Variants in CDH13 observed in about 807,000 individuals in gnomAD.
The protein encoded by CDH13 is cadherin-13.
Under a neutral mutation model 63.8 loss-of-function variants are expected in CDH13, and 24 were observed. That is an observed-to-expected ratio of 0.38 (90% CI 0.27 to 0.53). The LOEUF is 0.53. CDH13 is among the 20% of genes least tolerant of loss of function. The pLI is 0.85. For synonymous variants in CDH13, 503 were observed against 355.3 expected, an observed-to-expected ratio of 1.42 and a Z score of -4.67; for missense variants, 1,049 against 903.1, an observed-to-expected ratio of 1.16 and a Z score of -2.07.
chr16:83,304,832 C>G (rs2089835439), intron 5 of CDH13, among the ~76,000 whole-genome samples: 1 of 152,124 alleles, frequency 6.6e-6, no homozygotes, highest in Admixed American at 6.5e-5. Context: ...CAGTAGCAAA[C>G]TCTCTCCCTC....
At chr16:83,441,226 A>G (rs977660164) in intron 6 of CDH13, among the ~76,000 whole-genome samples, 3 of 152,182 alleles carry the variant, frequency 2.0e-5, no homozygotes, top group Admixed American at 1.3e-4. Flanking sequence ...TTGGCACTCA[A>G]TCTCTACCTG....
intron 4 of CDH13, among the ~76,000 whole-genome samples, chr16:83,167,754 T>G (rs1271986041): frequency 1.3e-5 from 2 of 151,846 alleles, no homozygotes; most frequent in African/African-American, 4.8e-5. Flanking sequence ...CATTTTCAAA[T>G]AGTTCAACTG....
intron 1 of CDH13, among the ~76,000 whole-genome samples, chr16:82,842,636 A>G (rs970989595): frequency 1.2e-4 from 19 of 152,072 alleles, no homozygotes; most frequent in African/African-American, 4.3e-4. Flanking sequence ...CAATTTTCCC[A>G]TGTACCAGGG....
At chr16:83,726,679 C>T (rs1910428333) in intron 10 of CDH13, among the ~76,000 whole-genome samples, 1 of 151,842 alleles carries the variant, frequency 6.6e-6, no homozygotes, top group Non-Finnish European at 1.5e-5. Flanking sequence ...ACTAAAAATA[C>T]AAAAAAAAAT....
chr16:83,518,641 T>G (rs1202613603), intron 7 of CDH13, among the ~76,000 whole-genome samples: 1 of 149,896 alleles, frequency 6.7e-6, no homozygotes, highest in African/African-American at 2.5e-5. Context: ...CCCGGCTAAT[T>G]TTTGTATTTT....
chr16:83,052,352 G>A (rs950242115), intron 3 of CDH13, among the ~76,000 whole-genome samples: 1 of 152,290 alleles, frequency 6.6e-6, no homozygotes, highest in African/African-American at 2.4e-5. Context: ...AACAATTCAG[G>A]TTCATATATT....
chr16:83,130,829 A>T (rs1291986603), intron 4 of CDH13, among the ~76,000 whole-genome samples: 5 of 152,160 alleles, frequency 3.3e-5, no homozygotes, highest in Non-Finnish European at 1.5e-5. Flanking sequence ...TTTTATTACA[A>T]CCTGAATTCC....
intron 6 of CDH13, among the ~76,000 whole-genome samples, chr16:83,346,917 T>C (rs753171382): frequency 3.3e-5 from 5 of 152,200 alleles, no homozygotes; most frequent in Non-Finnish European, 7.3e-5. Flanking sequence ...TTATGATTGG[T>C]ATTATCCTAT....
intron 2 of CDH13, among the ~76,000 whole-genome samples, chr16:82,971,173 C>G (rs4782741): frequency 0.12 from 18,584 of 152,232 alleles, 1,326 homozygotes; most frequent in East Asian, 0.16. Context: ...AATGCGATGA[C>G]TCTAAGGCTT....
At chr16:82,967,426 G>A (rs1264575972) in intron 2 of CDH13, among the ~76,000 whole-genome samples, 1 of 152,110 alleles carries the variant, frequency 6.6e-6, no homozygotes, top group East Asian at 1.9e-4. Context: ...CTCATACCTG[G>A]TTCGTATTTG....
intron 7 of CDH13, among the ~76,000 whole-genome samples, chr16:83,550,779 C>T (rs2075476166): frequency 6.6e-6 from 1 of 152,148 alleles, no homozygotes; most frequent in South Asian, 2.1e-4. Context: ...ATCGAGGAAG[C>T]AGTGAATGAG....
intron 1 of CDH13, among the ~76,000 whole-genome samples, chr16:82,748,142 G>A (rs1479823308): frequency 6.6e-6 from 1 of 152,066 alleles, no homozygotes; most frequent in Non-Finnish European, 1.5e-5. Context: ...TGACTCCCTG[G>A]CATTTCAGCA....
chr16:82,694,580 A>C (rs978402892), intron 1 of CDH13, among the ~76,000 whole-genome samples: 4 of 152,144 alleles, frequency 2.6e-5, no homozygotes, highest in African/African-American at 9.7e-5. Context: ...GCCCATTCCC[A>C]ATCATCTTCT....
At chr16:83,245,766 AG>A (rs1421596822) in intron 5 of CDH13, among the ~76,000 whole-genome samples, 2 of 152,036 alleles carry the variant, frequency 1.3e-5, no homozygotes, top group African/African-American at 4.8e-5. Context: ...TTCCTGAGGC[AG>A]GGTCTCACCC....
intron 1 of CDH13, among the ~76,000 whole-genome samples, chr16:82,804,276 T>TACACACACACACACACAC (rs140828245): frequency 7.4e-5 from 10 of 135,036 alleles, no homozygotes; most frequent in African/African-American, 2.4e-4. Flanking sequence ...GGGATCTTGC[T>TACACACACACACACACAC]ACACACACAC....
chr16:83,595,966 C>T (rs1298809431), intron 7 of CDH13, among the ~76,000 whole-genome samples: 2 of 152,226 alleles, frequency 1.3e-5, no homozygotes, highest in Non-Finnish European at 2.9e-5. Context: ...AGCTCCAGTC[C>T]TTGGCAGCCA....
At chr16:82,830,856 CT>C (rs2038507075) in intron 1 of CDH13, among the ~76,000 whole-genome samples, 3 of 152,142 alleles carry the variant, frequency 2.0e-5, no homozygotes, top group Non-Finnish European at 4.4e-5. Context: ...ATGTGTGGTA[CT>C]TCTATGTGAC....
chr16:82,933,398 C>T (rs929337378), intron 2 of CDH13, among the ~76,000 whole-genome samples: 12 of 152,114 alleles, frequency 7.9e-5, no homozygotes, highest in Admixed American at 7.9e-4. Context: ...CCCTCATGAT[C>T]CAATCACCAC....
chr16:83,036,173 G>T (rs1459352384), intron 3 of CDH13, among the ~76,000 whole-genome samples: 2 of 144,604 alleles, frequency 1.4e-5, no homozygotes, highest in African/African-American at 5.1e-5. Flanking sequence ...TTTTGAGATA[G>T]GGTCTCAGTC....
Sources: allele counts gnomAD v4.1 joint callset (sites outside exome capture counted in the v4.1 genomes callset), GRCh38; gene constraint gnomAD v4.1.1; transcripts MANE v1.5; gene names NCBI Gene and HGNC (gene_info 2026-07-23, HGNC 2026-07-21).